The following CACNB2 variants were observed in gnomAD, a reference collection of about 807,000 sequenced individuals.
CACNB2 encodes voltage-dependent L-type calcium channel subunit beta-2.
CACNB2 carries 42 observed loss-of-function variants against 73.3 expected under a neutral mutation model. The ratio of observed to expected loss-of-function variants is 0.57; its 90% CI spans 0.45 to 0.74. The LOEUF (loss-of-function observed/expected upper bound fraction) is 0.74. CACNB2 is among the 30% of genes least tolerant of loss of function. The pLI is 0.00. For missense variants in CACNB2, 940 were observed against 853.0 expected, an observed-to-expected ratio of 1.10 and a Z score of -1.27; for synonymous variants, 348 against 310.3, an observed-to-expected ratio of 1.12 and a Z score of -1.28.
intron 2 of CACNB2, among the ~76,000 whole-genome samples, chr10:18,224,607 T>C (rs556292659): frequency 6.6e-6 from 1 of 152,306 alleles, no homozygotes; most frequent in Admixed American, 6.5e-5. Flanking sequence ...CTCGTTCTGA[T>C]AGAACCTGGA....
chr10:18,231,358 T>C (rs2036218456), intron 2 of CACNB2, among the ~76,000 whole-genome samples: 1 of 152,042 alleles, frequency 6.6e-6, no homozygotes, highest in Admixed American at 6.6e-5. Context: ...TTTGTATTTT[T>C]AGTAGAGATG....
At chr10:18,497,332 A>G (rs913244975) in intron 3 of CACNB2, among the ~76,000 whole-genome samples, 2 of 152,156 alleles carry the variant, frequency 1.3e-5, no homozygotes, top group Non-Finnish European at 2.9e-5. Context: ...ACCATTTCTG[A>G]GCTTACCTGT....
intron 2 of CACNB2, among the ~76,000 whole-genome samples, chr10:18,303,893 T>G (rs2039626231): frequency 6.6e-6 from 1 of 152,222 alleles, no homozygotes; most frequent in Non-Finnish European, 1.5e-5. Flanking sequence ...TTTGACATTA[T>G]GCAACATTAT....
At chr10:18,531,428 T>C (rs931177346) in intron 10 of CACNB2, among the ~76,000 whole-genome samples, 4 of 152,180 alleles carry the variant, frequency 2.6e-5, no homozygotes, top group African/African-American at 7.2e-5. Flanking sequence ...GGCCTTTAGG[T>C]TGATTCCACA....
intron 2 of CACNB2, among the ~76,000 whole-genome samples, chr10:18,249,846 C>T (rs544587203): frequency 6.6e-6 from 1 of 152,192 alleles, no homozygotes; most frequent in Non-Finnish European, 1.5e-5. Context: ...CGATGTCCTA[C>T]AGACGTCTCA....
intron 2 of CACNB2, among the ~76,000 whole-genome samples, chr10:18,314,799 T>A (rs1203846235): frequency 6.6e-6 from 1 of 152,132 alleles, no homozygotes; most frequent in Non-Finnish European, 1.5e-5. Flanking sequence ...ACAGTAGCAA[T>A]ACCAGTGCAC....
chr10:18,439,149 C>G (rs760678262), intron 3 of CACNB2, among the ~76,000 whole-genome samples: 71 of 152,108 alleles, frequency 4.7e-4, no homozygotes, highest in Admixed American at 1.8e-3. Context: ...GAGTGAAAGT[C>G]GAAGTGGGAG....
chr10:18,468,529 C>T (rs1479996192), intron 3 of CACNB2, among the ~76,000 whole-genome samples: 1 of 152,104 alleles, frequency 6.6e-6, no homozygotes, highest in Non-Finnish European at 1.5e-5. Context: ...AAAGTTCACC[C>T]CAAACTTAGT....
intron 2 of CACNB2, among the ~76,000 whole-genome samples, chr10:18,228,626 G>T (rs1165373610): frequency 1.3e-5 from 2 of 152,132 alleles, no homozygotes; most frequent in African/African-American, 2.4e-5. Context: ...ACAAGTTAGT[G>T]TCGGTAGGAC....
At position 18,515,079 on chromosome 10, in the gene CACNB2, G is replaced by A. The variant is rs755695683; in HGVS notation, c.804+710G>A. ...TATTGTCATATATAAATATTCTCCC[G>A]ATGTTCTTGCCTTCTCCATCAGTCA... is the stretch of plus-strand genomic sequence containing the variant. On this transcript the variant is annotated intron_variant, in intron 7 of 13. Transcript: ENST00000324631. 65 of 1,499,390 alleles carry A rather than the reference G, an allele frequency of 4.3e-5. No homozygotes were observed. In the East Asian group the frequency reaches 1.0e-3, roughly 23 times the overall value. The allele number at this position is 1,499,390 out of a possible 1,614,324, so 92.9% of individuals were successfully genotyped here. A position where few individuals can be genotyped will look rare whatever the true frequency, so the allele number is the denominator to read the frequency against.
intron 10 of CACNB2, chr10:18,533,198 G>A (rs545599255): frequency 1.8e-4 from 28 of 152,306 alleles, no homozygotes; most frequent in African/African-American, 5.5e-4. Context: ...TGAAAGCTAT[G>A]TACTATGCTT....
At chr10:18,171,029 G>T (rs947276230) in intron 2 of CACNB2, among the ~76,000 whole-genome samples, 11 of 152,176 alleles carry the variant, frequency 7.2e-5, no homozygotes, top group Non-Finnish European at 1.2e-4. Context: ...ACCGCTGGCT[G>T]CATCATTAAA....
intron 2 of CACNB2, among the ~76,000 whole-genome samples, chr10:18,317,254 T>A (rs4747341): frequency 0.23 from 34,924 of 151,922 alleles, 4,282 homozygotes; most frequent in Non-Finnish European, 0.27. Context: ...AAATCTTTTT[T>A]AAAAGTTTAG....
At chr10:18,511,661 T>C (rs546141372) in intron 6 of CACNB2, among the ~76,000 whole-genome samples, 2 of 152,326 alleles carry the variant, frequency 1.3e-5, no homozygotes, top group Admixed American at 6.5e-5. Flanking sequence ...TTTTTTCTTC[T>C]CCTTGACTGA....
intron 2 of CACNB2, among the ~76,000 whole-genome samples, chr10:18,384,094 G>C (rs1271486509): frequency 6.6e-6 from 1 of 152,104 alleles, no homozygotes; most frequent in Non-Finnish European, 1.5e-5. Context: ...GCATCCAGAA[G>C]CAAGGTTATC....
intron 2 of CACNB2, among the ~76,000 whole-genome samples, chr10:18,200,631 A>G (rs1010635826): frequency 6.6e-6 from 1 of 152,118 alleles, no homozygotes; most frequent in Non-Finnish European, 1.5e-5. Context: ...GCTTAGAGGA[A>G]TTAGTCTACC....
chr10:18,375,632 G>A (rs1201645490), intron 2 of CACNB2, among the ~76,000 whole-genome samples: 1 of 152,128 alleles, frequency 6.6e-6, no homozygotes, highest in African/African-American at 2.4e-5. Context: ...GACCCTTATT[G>A]GGGTTGTGCA....
chr10:18,255,132 T>G (rs915156298), intron 2 of CACNB2, among the ~76,000 whole-genome samples: 1 of 152,172 alleles, frequency 6.6e-6, no homozygotes, highest in African/African-American at 2.4e-5. Flanking sequence ...TGATCATGCC[T>G]CTTGTGGGAA....
chr10:18,428,336 T>C (rs1400635669), intron 3 of CACNB2, among the ~76,000 whole-genome samples: 2 of 152,234 alleles, frequency 1.3e-5, no homozygotes, highest in Non-Finnish European at 2.9e-5. Context: ...TATTTTGTCC[T>C]TTTTGCATGC....
Sources: gnomAD v4.1 joint callset for allele counts (sites outside exome capture counted in the v4.1 genomes callset) on GRCh38, gnomAD v4.1.1 for gene constraint, MANE v1.5 for transcripts, NCBI Gene and HGNC (gene_info 2026-07-23, HGNC 2026-07-21) for gene names.